Variants in EPRS1 observed in about 807,000 individuals in gnomAD.
EPRS1 encodes bifunctional glutamate/proline--tRNA ligase.
Under a neutral mutation model 188.3 loss-of-function variants are expected in EPRS1, and 107 were observed. The ratio of observed to expected loss-of-function variants is 0.57; its 90% confidence interval spans 0.49 to 0.67. EPRS1 has a LOEUF of 0.67. EPRS1 is among the 30% of genes least tolerant of loss of function. The pLI is 0.00. For synonymous variants in EPRS1, 596 were observed against 593.1 expected, an observed-to-expected ratio of 1.00 and a Z score of -0.07; for missense variants, 1,577 against 1,802.2, an observed-to-expected ratio of 0.88 and a Z score of 2.26.
intron 28 of EPRS1, among the ~76,000 whole-genome samples, chr1:219,976,451 A>T (rs569584873): frequency 9.1e-4 from 138 of 152,312 alleles, no homozygotes; most frequent in Non-Finnish European, 1.6e-3. Context: ...TATGAACACT[A>T]CTATACTAAC....
chr1:220,020,709 AC>A (rs1322719907), intron 9 of EPRS1, among the ~76,000 whole-genome samples: 2 of 115,246 alleles, frequency 1.7e-5, no homozygotes, highest in Non-Finnish European at 3.9e-5. Flanking sequence ...AAAAAAAAAA[AC>A]CGACAGAAGA....
intron 12 of EPRS1, 60 bp downstream of exon 12, chr1:220,018,389 A>G (rs1661784718): frequency 3.9e-6 from 5 of 1,288,328 alleles, no homozygotes. Context: ...AATGACTTCT[A>G]CTTGTACATT....
At chr1:220,018,424 G>A in intron 12 of EPRS1, 25 bp downstream of exon 12, 1 of 1,566,508 alleles carries the variant, frequency 6.4e-7, no homozygotes. Flanking sequence ...CATGAGAAAA[G>A]AAGGCAGAGA....
chr1:219,976,359 C>T (rs948654253), intron 28 of EPRS1, among the ~76,000 whole-genome samples: 17 of 152,148 alleles, frequency 1.1e-4, no homozygotes, highest in Admixed American at 1.0e-3. Context: ...TAATTCTGAA[C>T]TAGGTCATTC....
chr1:220,042,050 A>G (rs946193222), intron 1 of EPRS1, among the ~76,000 whole-genome samples: 2 of 152,020 alleles, frequency 1.3e-5, no homozygotes, highest in Admixed American at 6.6e-5. Flanking sequence ...GCGTGGCAGC[A>G]CAGGCCTGTA....
intron 20 of EPRS1, among the ~76,000 whole-genome samples, chr1:219,985,222 C>G (rs1660984823): frequency 6.6e-6 from 1 of 152,016 alleles, no homozygotes; most frequent in African/African-American, 2.4e-5. Context: ...GAGACACAGC[C>G]TGTTCACACC....
intron 18 of EPRS1, among the ~76,000 whole-genome samples, chr1:219,990,120 C>CG (rs1553251073): frequency 1.5e-5 from 2 of 135,770 alleles, no homozygotes; most frequent in African/African-American, 5.7e-5. Context: ...ACTTTTCACA[C>CG]GGAAAAAAAA....
intron 2 of EPRS1, among the ~76,000 whole-genome samples, chr1:220,037,070 T>C (rs1011703807): frequency 2.6e-5 from 4 of 151,560 alleles, no homozygotes; most frequent in African/African-American, 9.7e-5. Context: ...GGTACACACC[T>C]GTAGTCCCAG....
At chr1:219,990,950 C>G (rs1247066464) in intron 18 of EPRS1, among the ~76,000 whole-genome samples, 1 of 151,938 alleles carries the variant, frequency 6.6e-6, no homozygotes, top group Non-Finnish European at 1.5e-5. Flanking sequence ...TATACCAATA[C>G]AAACAGAAAA....
At chr1:219,996,322 G>A (rs1661230827) in intron 18 of EPRS1, among the ~76,000 whole-genome samples, 1 of 152,192 alleles carries the variant, frequency 6.6e-6, no homozygotes, top group South Asian at 2.1e-4. Context: ...AAAACCTCTT[G>A]ACAATCCATT....
chr1:219,991,305 G>A (rs1396255843), intron 18 of EPRS1, among the ~76,000 whole-genome samples: 1 of 148,160 alleles, frequency 6.7e-6, no homozygotes, highest in Non-Finnish European at 1.5e-5. Context: ...TGGATATCTC[G>A]ATTCTAAATG....
chr1:219,980,329 G>T, intron 25 of EPRS1, 89 bp from the exon 26 acceptor site: 1 of 975,140 alleles, frequency 1.0e-6, no homozygotes, highest in Non-Finnish European at 1.5e-6. Context: ...GACTAATTGT[G>T]TGGGAAAAGC....
intron 2 of EPRS1, among the ~76,000 whole-genome samples, chr1:220,037,178 T>C (rs941290540): frequency 1.2e-4 from 18 of 152,050 alleles, no homozygotes; most frequent in African/African-American, 4.1e-4. Context: ...CACTCCAGCC[T>C]GGACAGCATA....
rs12049352 is a variant in EPRS1 at position 219,970,992 on chromosome 1, A to T, written c.4323+1077T>A. Among the ~76,000 whole-genome samples the T allele has an allele frequency of 1.6e-4, 24 of 151,896 alleles. No individual in the cohort carries two copies. The South Asian group carries it at 3.5e-3, about 22-fold the overall frequency. ...ATTAATTTTCCCAGCTCAAGAAATAAGAGACATATTAATACGTTATGACCA... is the reference window on the plus strand; with the variant it reads ...ATTAATTTTCCCAGCTCAAGAAATATGAGACATATTAATACGTTATGACCA... On this transcript the variant is annotated intron_variant, in intron 30 of 31. Transcript: ENST00000366923.
chr1:220,007,774 C>T (rs554534286), intron 13 of EPRS1, among the ~76,000 whole-genome samples: 1 of 152,142 alleles, frequency 6.6e-6, no homozygotes. Context: ...CCTTAGAATC[C>T]CACTGCTTCG....
At chr1:220,015,455 T>C (rs186084497) in intron 12 of EPRS1, among the ~76,000 whole-genome samples, 42 of 151,252 alleles carry the variant, frequency 2.8e-4, no homozygotes, top group African/African-American at 9.8e-4. Flanking sequence ...AGAGTGAGAC[T>C]CCGTCTCAGA....
chr1:220,014,356 A>T (rs1008226668), intron 12 of EPRS1, among the ~76,000 whole-genome samples: 16 of 151,968 alleles, frequency 1.1e-4, no homozygotes, highest in Non-Finnish European at 1.9e-4. Context: ...TAACAGCAAC[A>T]AAATTCTGGA....
intron 1 of EPRS1, among the ~76,000 whole-genome samples, chr1:220,043,427 AATAC>A (rs1662336990): frequency 6.6e-6 from 1 of 152,212 alleles, no homozygotes; most frequent in Admixed American, 6.5e-5. Flanking sequence ...AATGCCAACT[AATAC>A]ATACAGAAGG....
chr1:220,019,953 T>C, intron 10 of EPRS1, 35 bp downstream of exon 10: 1 of 1,436,374 alleles, frequency 7.0e-7, no homozygotes, highest in Non-Finnish European at 9.8e-7. Flanking sequence ...ACTATGTCCT[T>C]ACTTCTTGTC....
Sources: allele counts gnomAD v4.1 joint callset (sites outside exome capture counted in the v4.1 genomes callset), GRCh38; gene constraint gnomAD v4.1.1; transcripts MANE v1.5; gene names NCBI Gene and HGNC (gene_info 2026-07-23, HGNC 2026-07-21).